Variants in ROBO2 observed in about 807,000 individuals in gnomAD.
ROBO2 encodes roundabout guidance receptor 2, also known as roundabout homolog 2.
In ROBO2, 53 loss-of-function variants were observed where a neutral mutation model predicts 160.8. The ratio of observed to expected loss-of-function variants is 0.33; its 90% CI spans 0.26 to 0.41. The LOEUF (loss-of-function observed/expected upper bound fraction) is 0.41, where lower values mean the gene tolerates loss of function less well. Ranked by LOEUF, ROBO2 falls within the 10% of genes least tolerant of loss-of-function variation. ROBO2 has a pLI of 1.00. For missense variants in ROBO2, 1,577 were observed against 1,722.4 expected (o/e 0.92, Z 1.49); for synonymous variants, 664 against 611.7 (o/e 1.09, Z -1.26).
At chr3:77,031,519 C>A (rs2063321992) in intron 2 of ROBO2, among the ~76,000 whole-genome samples, 1 of 143,700 alleles carries the variant, frequency 7.0e-6, no homozygotes, top group Non-Finnish European at 1.5e-5. Flanking sequence ...AATATATCTA[C>A]TATATAATAT....
At chr3:76,652,336 G>A (rs1178418834) in intron 2 of ROBO2, among the ~76,000 whole-genome samples, 2 of 152,148 alleles carry the variant, frequency 1.3e-5, no homozygotes, top group African/African-American at 4.8e-5. Flanking sequence ...AAATTTCTGT[G>A]ACAAGATGGT....
At chr3:76,727,496 A>T (rs530617974) in intron 2 of ROBO2, among the ~76,000 whole-genome samples, 1 of 152,230 alleles carries the variant, frequency 6.6e-6, no homozygotes, top group South Asian at 2.1e-4. Context: ...TATGTATTAG[A>T]CTCTAATGTA....
chr3:75,933,605 T>G (rs1947636174), intron 1 of ROBO2, among the ~76,000 whole-genome samples: 2 of 152,096 alleles, frequency 1.3e-5, no homozygotes, highest in Non-Finnish European at 2.9e-5. Flanking sequence ...AAATTGCCAG[T>G]CTGAAGACAT....
intron 2 of ROBO2, among the ~76,000 whole-genome samples, chr3:77,279,849 T>C (rs978470446): frequency 6.6e-6 from 1 of 152,134 alleles, no homozygotes; most frequent in African/African-American, 2.4e-5. Context: ...TGTTCAATTG[T>C]GCTGTTAGAA....
intron 2 of ROBO2, among the ~76,000 whole-genome samples, chr3:76,026,434 C>G (rs1378968847): frequency 6.6e-6 from 1 of 151,886 alleles, no homozygotes; most frequent in Non-Finnish European, 1.5e-5. Flanking sequence ...TCTATATACA[C>G]TTTTTCTTCT....
In ROBO2 at chr3:77,283,287, CA is replaced by C. The variant is rs749987887; in HGVS notation, c.388+184951del. ...CAAGCGTGAAGGAGCAAAAGAGATT[CA>C]AAACTTCATTAATTGCTCTCACACA... On this transcript the variant is annotated intron_variant, in intron 2 of 25. Transcript: ENST00000461745. Among the ~76,000 whole-genome samples the C allele has an allele frequency of 1.6e-3, 238 of 152,258 alleles. 4 individuals are homozygous for C. The highest frequency in any genetic ancestry group is 1.8e-3 in the Non-Finnish European group (121 of 68,006).
At chr3:76,451,157 C>T (rs1374179773) in intron 2 of ROBO2, among the ~76,000 whole-genome samples, 1 of 152,144 alleles carries the variant, frequency 6.6e-6, no homozygotes, top group Non-Finnish European at 1.5e-5. Context: ...TGCCATACAA[C>T]TGATCAGGTC....
At chr3:76,915,627 G>A (rs890382547) in intron 2 of ROBO2, among the ~76,000 whole-genome samples, 1 of 145,098 alleles carries the variant, frequency 6.9e-6, no homozygotes, top group African/African-American at 2.6e-5. Flanking sequence ...CCAAGATTGC[G>A]TCACTGCACT....
chr3:77,161,601 T>G (rs564415224), intron 2 of ROBO2, among the ~76,000 whole-genome samples: 1 of 152,222 alleles, frequency 6.6e-6, no homozygotes, highest in South Asian at 2.1e-4. Flanking sequence ...TGGTTTTTTA[T>G]TTTCTGAAAT....
At position 76,824,789 on chromosome 3, in the gene ROBO2, C is replaced by A. The variant is rs147020939; in HGVS notation, c.110-273225C>A. ...GAGACAGAGTACCCAAGGAAGAAAC[C>A]AACCCGGAAAAATTCCCACTCCCTG... On this transcript the variant is annotated intron_variant, in intron 2 of 26. Transcript: ENST00000487694. 1.3e-4 allele frequency among the ~76,000 whole-genome samples: 20 copies of A among 152,230 alleles called. No individual in the cohort carries two copies. The East Asian group carries it at 3.9e-3, about 30-fold the overall frequency.
At chr3:77,380,449 G>A (rs2073289268) in intron 2 of ROBO2, among the ~76,000 whole-genome samples, 1 of 152,086 alleles carries the variant, frequency 6.6e-6, no homozygotes, top group Non-Finnish European at 1.5e-5. Context: ...CAAGTGTAAC[G>A]TCATGTTAAA....
In ROBO2 at chr3:77,303,877, T is replaced by C. The variant is rs1403400623; in HGVS notation, c.389-173537T>C. Among the ~76,000 whole-genome samples, 3 of 152,012 alleles carry C rather than the reference T, an allele frequency of 2.0e-5. No homozygotes were observed. The East Asian group carries it at 5.8e-4, about 29-fold the overall frequency. On this transcript the variant is annotated intron_variant, in intron 2 of 25. Coordinates refer to ENST00000461745, the Ensembl canonical transcript of ROBO2. Reference sequence around the variant, plus strand: ...GGACATGGAAGGTGGCTCTGTAGGATTACTAAACATTTTGAGAAAAATCAC... The same window carrying C: ...GGACATGGAAGGTGGCTCTGTAGGACTACTAAACATTTTGAGAAAAATCAC...
At chr3:76,119,924 T>C (rs201273164) in intron 2 of ROBO2, among the ~76,000 whole-genome samples, 3,508 of 50,416 alleles carry the variant, frequency 0.07, 120 homozygotes, top group African/African-American at 0.13. Context: ...CTCCCTTCCT[T>C]CCTTCCTTCC....
At chr3:75,971,398 T>G (rs1387167170) in intron 2 of ROBO2, among the ~76,000 whole-genome samples, 1 of 151,462 alleles carries the variant, frequency 6.6e-6, no homozygotes, top group Admixed American at 6.6e-5. Flanking sequence ...CAAAATAAGA[T>G]TAAAGCAGAA....
chr3:75,963,369 A>G (rs1948993098), intron 2 of ROBO2, among the ~76,000 whole-genome samples: 1 of 151,624 alleles, frequency 6.6e-6, no homozygotes, highest in African/African-American at 2.4e-5. Flanking sequence ...TTATTAAAGA[A>G]AAAAATGTGT....
intron 2 of ROBO2, among the ~76,000 whole-genome samples, chr3:76,285,015 C>T (rs989213475): frequency 7.2e-5 from 11 of 152,080 alleles, no homozygotes; most frequent in Admixed American, 2.6e-4. Flanking sequence ...ATGCTTTCTG[C>T]CCACTTATGC....
intron 2 of ROBO2, among the ~76,000 whole-genome samples, chr3:76,883,716 G>T (rs889916782): frequency 2.0e-5 from 3 of 152,124 alleles, no homozygotes; most frequent in Non-Finnish European, 4.4e-5. Context: ...TTAAATTTTG[G>T]TGTCTAAGGC....
intron 2 of ROBO2, among the ~76,000 whole-genome samples, chr3:76,585,804 ATT>A (rs750327610): frequency 3.3e-5 from 5 of 152,194 alleles, no homozygotes; most frequent in Non-Finnish European, 4.4e-5. Flanking sequence ...GTTTGGCAGA[ATT>A]TGTCATTAGT....
chr3:75,928,146 G>A (rs1174549252), intron 1 of ROBO2, among the ~76,000 whole-genome samples: 1 of 151,682 alleles, frequency 6.6e-6, no homozygotes, highest in Non-Finnish European at 1.5e-5. Flanking sequence ...CACCACGCCC[G>A]GCTTATTTTT....
Sources: allele counts gnomAD v4.1 joint callset (sites outside exome capture counted in the v4.1 genomes callset), GRCh38; gene constraint gnomAD v4.1.1; transcripts MANE v1.5; gene names NCBI Gene and HGNC (gene_info 2026-07-23, HGNC 2026-07-21).